The following LGALS8 variants were observed in gnomAD, a reference collection of about 807,000 sequenced individuals.
LGALS8 encodes the protein galectin-8.
LGALS8 carries 30 observed loss-of-function variants against 35.9 expected under a neutral mutation model. The ratio of observed to expected loss-of-function variants is 0.83; its 90% CI spans 0.62 to 1.13. The LOEUF (loss-of-function observed/expected upper bound fraction) is 1.13, where lower values mean the gene tolerates loss of function less well. LGALS8 is among the 50% of genes most tolerant of loss of function. LGALS8 has a pLI of 0.00. For missense variants in LGALS8, 366 were observed against 388.7 expected (o/e 0.94, Z 0.49); for synonymous variants, 138 against 136.1 (o/e 1.01, Z -0.10).
Position 236,540,911 on chromosome 1 carries a change from C to G in LGALS8, c.465+228C>G, listed in dbSNP as rs566879119. On this transcript the variant is annotated intron_variant, in intron 5 of 9. Coordinates refer to ENST00000366584, the MANE Select transcript of LGALS8 (RefSeq NM_201544.4). ...TAGTGTGGTTTTAATAAAACACACA[C>G]AGTTTTTAGCTGGGTAGCAGCTATT... Among the ~76,000 whole-genome samples the G allele has an allele frequency of 1.9e-3, 283 of 152,260 alleles. 1 individual carries two copies. The highest frequency in any genetic ancestry group is 3.3e-3 in the Non-Finnish European group (224 of 68,014).
At chr1:236,523,881 G>A (rs1660641519), upstream of LGALS8, 4 of 348,574 alleles carry the variant, frequency 1.1e-5, no homozygotes, top group African/African-American at 4.3e-5. Flanking sequence ...AGACACAGAA[G>A]GCGGGGCGCG....
chr1:236,546,504 T>G (rs1365383093), intron 9 of LGALS8, among the ~76,000 whole-genome samples: 1 of 151,698 alleles, frequency 6.6e-6, no homozygotes, highest in East Asian at 1.9e-4. Context: ...CATTCAGTGT[T>G]GTAATTTCAT....
chr1:236,524,684 G>A (rs1348726914), intron 1 of LGALS8: 2 of 321,060 alleles, frequency 6.2e-6, no homozygotes, highest in Non-Finnish European at 6.3e-6. Context: ...CGGGGGTTGC[G>A]TGATTTAATG....
At position 236,552,043 on chromosome 1, in the gene LGALS8, A is replaced by G; in HGVS notation, c.*3882A>G. On this transcript the variant is annotated 3_prime_UTR_variant, in exon 10 of 10. Transcript: ENST00000366584. The stretch of plus-strand genomic sequence containing the variant: ...GAAAGGAATGGATTCTGGTAGCAAG[A>G]CAATATAATTCTCCTTTAGTTTTTC... 2 of 1,613,736 alleles carry G rather than the reference A, an allele frequency of 1.2e-6. No homozygotes were observed. Among genetic ancestry groups the G allele is most frequent in the Non-Finnish European group, 1.7e-6 (2 of 1,179,770 alleles).
In LGALS8 at chr1:236,543,300, C is replaced by A; in HGVS notation, c.550-260C>A. 3 of 641,932 alleles carry A rather than the reference C, an allele frequency of 4.7e-6. No individual in the cohort carries two copies. In the Admixed American group the frequency reaches 6.8e-5, roughly 14 times the overall value. The allele number at this position is 641,932 out of a possible 1,614,324, so 39.8% of individuals were successfully genotyped here. The stretch of plus-strand genomic sequence containing the variant: ...CCCCAGGCACAGGGGGCCTTCCTGG[C>A]GTGTTTCACTCATACAGAGGGCATC... On this transcript the variant is annotated intron_variant, in intron 7 of 9. Transcript: ENST00000366584.
In LGALS8 at chr1:236,538,101, A is replaced by AAAAAAAAAAAAAAAAAAAAG. The variant is rs371245157; in HGVS notation, c.134+519_134+520insAAAAAAAAAAAAAAAAGAAA. Among the ~76,000 whole-genome samples the AAAAAAAAAAAAAAAAAAAAG allele has an allele frequency of 4.3e-3, 416 of 95,958 alleles. 42 individuals carry two copies. The highest frequency in any genetic ancestry group is 6.8e-3 in the African/African-American group (204 of 30,052). The allele number at this position is 95,958 out of a possible 152,430, so 63.0% of individuals were successfully genotyped here. On this transcript the variant is annotated intron_variant, in intron 3 of 9. Coordinates refer to ENST00000366584, the MANE Select transcript of LGALS8 (RefSeq NM_201544.4). ...GCCTGGGTGACAAAAAAAAAAAAGA[A>AAAAAAAAAAAAAAAAAAAAG]AAAGAAAAAGAATTAGGTATGTCAT...
Position 236,550,838 on chromosome 1 carries a change from CA to C in LGALS8, c.*2682del. On this transcript the variant is annotated 3_prime_UTR_variant, in exon 10 of 10. Coordinates refer to ENST00000366584, the MANE Select transcript of LGALS8 (RefSeq NM_201544.4). ...CAAAAGTAACATGGCACCCAACACCCAAAAATAAAAATATGAAATATGAGTG... is the reference window on the plus strand; with the variant it reads ...CAAAAGTAACATGGCACCCAACACCCAAAATAAAAATATGAAATATGAGTG... 3 of 1,327,904 alleles carry C rather than the reference CA, an allele frequency of 2.3e-6. No homozygotes were observed. Among genetic ancestry groups the C allele is most frequent in the Non-Finnish European group, 3.1e-6 (3 of 955,734 alleles). 82.3% of individuals were successfully genotyped at this position (1,327,904 alleles called of 1,614,324 possible). A position where few individuals can be genotyped will look rare whatever the true frequency, so the allele number is the denominator to read the frequency against.
At chr1:236,530,405 CCTCA>C (rs1661081286) in intron 2 of LGALS8, among the ~76,000 whole-genome samples, 1 of 152,202 alleles carries the variant, frequency 6.6e-6, no homozygotes, top group Non-Finnish European at 1.5e-5. Context: ...GAGTGGATTT[CCTCA>C]CTAAGGCTCT....
At chr1:236,540,387 T>C (rs2799413) in intron 4 of LGALS8, 177 bp from the exon 5 acceptor site, 358,547 of 556,258 alleles carry the variant, frequency 0.64, 116,165 homozygotes, top group Non-Finnish European at 0.69. Flanking sequence ...AAAAGAAGTT[T>C]GGAAGCACTG....
chr1:236,542,932 A>C lies in LGALS8; in HGVS notation c.549+145A>C, dbSNP rs1440697245. ...CCCTACAGCCTAGTAATAGAGGAGG[A>C]GACATTTCTAAAATCGCACCCAGAA... On this transcript the variant is annotated intron_variant, in intron 7 of 9. Coordinates refer to ENST00000366584, the MANE Select transcript of LGALS8 (RefSeq NM_201544.4). The C allele has an allele frequency of 3.1e-6, 5 of 1,614,020 alleles. No individual in the cohort carries two copies. In the African/African-American group the frequency reaches 6.7e-5, roughly 22 times the overall value.
rs1553276903 is a variant in LGALS8, at chr1:236,537,501, T to C, written c.50T>C (p.Ile17Thr). 2 of 1,581,564 alleles carry C rather than the reference T, an allele frequency of 1.3e-6. No homozygotes were observed. The highest frequency in any genetic ancestry group is 2.2e-5 in the South Asian group (2 of 90,684). Residue 17 changes from isoleucine to threonine, a missense_variant, in exon 3 of 10, where the codon ATC becomes ACC. Coordinates refer to ENST00000366584, the MANE Select transcript of LGALS8 (RefSeq NM_201544.4). ...TTGTTAAATTTTTTTTCTTAGGTAA[T>C]CCCGTTTGTTGGCACCATTCCTGAT... Reference protein sequence around the residue: ...NLQNIIYNPVIPFVGTIPDQL... With the variant: ...NLQNIIYNPVTPFVGTIPDQL...
At chr1:236,540,268 G>T (rs546737714) in intron 4 of LGALS8, 3 of 277,572 alleles carry the variant, frequency 1.1e-5, no homozygotes, top group Non-Finnish European at 2.0e-5. Flanking sequence ...TTCGAACCCA[G>T]ATGTCTCACA....
At chr1:236,537,158 A>G (rs2103087362) in intron 2 of LGALS8, among the ~76,000 whole-genome samples, 1 of 151,578 alleles carries the variant, frequency 6.6e-6, no homozygotes, top group East Asian at 1.9e-4. Flanking sequence ...CTGGGACTAC[A>G]GGCGCCCACC....
rs1043505968 is a variant in LGALS8 at position 236,526,385 on chromosome 1, T to C, written c.45+270T>C. On this transcript the variant is annotated intron_variant, in intron 2 of 9. Transcript: ENST00000366584. The surrounding 1 kb of genome is among the most constrained non-coding windows in gnomAD (Gnocchi z 4.6). ...TGGAGGGAATGCCAACTTTTGGTGATGGGAGGAGGCTCAGCTAATCATAAA... is the reference window on the plus strand; with the variant it reads ...TGGAGGGAATGCCAACTTTTGGTGACGGGAGGAGGCTCAGCTAATCATAAA... 2 of 310,866 alleles carry C rather than the reference T, an allele frequency of 6.4e-6. No homozygotes were observed. The highest frequency in any genetic ancestry group is 4.3e-5 in the African/African-American group (2 of 46,926). The allele number at this position is 310,866 out of a possible 1,614,324, so 19.3% of individuals were successfully genotyped here.
rs2103115292 is a variant in LGALS8, at chr1:236,549,083, G to T, written c.*922G>T. On this transcript the variant is annotated 3_prime_UTR_variant, in exon 10 of 10. Transcript: ENST00000366584. ...GGCATTCATAAGGCAGGCACTATCA[G>T]AAAGTGTACGCCAACTAAGGGACCC... The T allele has an allele frequency of 2.5e-6, 1 of 398,296 alleles. No individual in the cohort carries two copies. Among genetic ancestry groups the T allele is most frequent in the East Asian group, 3.6e-5 (1 of 28,066 alleles). 24.7% of individuals were successfully genotyped at this position (398,296 alleles called of 1,614,324 possible). A position where few individuals can be genotyped will look rare whatever the true frequency, so the allele number is the denominator to read the frequency against.
Position 236,552,234 on chromosome 1 carries a change from T to C in LGALS8, c.*4073T>C, listed in dbSNP as rs937387981. On this transcript the variant is annotated 3_prime_UTR_variant, in exon 10 of 10. Transcript: ENST00000366584. ...AGTTCACATGCGTTTATTCACTTCATTATGTTCATTAAGCTTTCATCTTAG... is the reference window on the plus strand; with the variant it reads ...AGTTCACATGCGTTTATTCACTTCACTATGTTCATTAAGCTTTCATCTTAG... 17 of 586,044 alleles carry C rather than the reference T, an allele frequency of 2.9e-5. No homozygotes were observed. The highest frequency in any genetic ancestry group is 5.1e-5 in the Non-Finnish European group (17 of 333,472). 36.3% of individuals were successfully genotyped at this position (586,044 alleles called of 1,614,324 possible). A position where few individuals can be genotyped will look rare whatever the true frequency, so the allele number is the denominator to read the frequency against.
rs928713514 is a variant in LGALS8, at chr1:236,542,514, T to C, written c.523-247T>C. On this transcript the variant is annotated intron_variant, in intron 6 of 9. Coordinates refer to ENST00000366584, the MANE Select transcript of LGALS8 (RefSeq NM_201544.4). Reference sequence around the variant, plus strand: ...TTTCATATAGTTCTATGAAAAATTATTAATTTATGGTGGAGGATAAAGGAC... The same window carrying C: ...TTTCATATAGTTCTATGAAAAATTACTAATTTATGGTGGAGGATAAAGGAC... 2.4e-5 allele frequency: 13 copies of C among 547,276 alleles called. No individual in the cohort carries two copies. In the East Asian group the frequency reaches 3.0e-4, roughly 13 times the overall value. 33.9% of individuals were successfully genotyped at this position (547,276 alleles called of 1,614,324 possible). A position where few individuals can be genotyped will look rare whatever the true frequency, so the allele number is the denominator to read the frequency against.
At chr1:236,538,156 G>A (rs575337063) in intron 3 of LGALS8, among the ~76,000 whole-genome samples, 4 of 150,318 alleles carry the variant, frequency 2.7e-5, no homozygotes, top group Admixed American at 6.6e-5. Flanking sequence ...CAGATGACAG[G>A]GACAGTCTAG....
chr1:236,537,166 A>G (rs1810663), intron 2 of LGALS8, among the ~76,000 whole-genome samples: 91,926 of 150,632 alleles, frequency 0.61, 28,944 homozygotes, highest in Non-Finnish European at 0.69. Context: ...ACAGGCGCCC[A>G]CCACCACACC....
Sources: gnomAD v4.1 joint callset for allele counts (sites outside exome capture counted in the v4.1 genomes callset) on GRCh38, gnomAD v4.1.1 for gene constraint, Gnocchi (gnomAD v3.1) non-coding constraint, MANE v1.5 for transcripts, NCBI Gene and HGNC (gene_info 2026-07-23, HGNC 2026-07-21) for gene names.